Variants in RANBP2 observed in about 807,000 individuals in gnomAD.
RANBP2 encodes E3 SUMO-protein ligase RanBP2.
RANBP2 carries 57 observed loss-of-function variants against 303.6 expected under a neutral mutation model. The ratio of observed to expected loss-of-function variants is 0.19; its 90% CI spans 0.15 to 0.23. The LOEUF (loss-of-function observed/expected upper bound fraction) is 0.23. Among genes scored for constraint, RANBP2 ranks in the 10% least tolerant of loss-of-function variants. The probability of loss-of-function intolerance (pLI) is 1.00; values close to 1 mark genes in which losing one functional copy is unlikely to be tolerated. For synonymous variants in RANBP2, 1,167 were observed against 1,301.5 expected (o/e 0.90, Z 2.23); for missense variants, 3,138 against 3,780.8 (o/e 0.83, Z 4.46).
At chr2:109,347,700 G>A in the RANBP2 span, 1 of 1,613,866 alleles carries the variant, frequency 6.2e-7, no homozygotes, top group South Asian at 1.1e-5. Flanking sequence ...CCTATGGCAA[G>A]GCCCTCTACA....
At chr2:108,741,195 ATTTTTATT>A (rs1341139290) in intron 7 of RANBP2, among the ~76,000 whole-genome samples, 3 of 151,752 alleles carry the variant, frequency 2.0e-5, no homozygotes, top group East Asian at 3.9e-4. Flanking sequence ...CCTTTTCTTA[ATTTTTATT>A]TTTTTATTTT....
At chr2:109,305,053 T>C in the RANBP2 span, among the ~76,000 whole-genome samples, 1 of 152,204 alleles carries the variant, frequency 6.6e-6, no homozygotes, top group Admixed American at 6.5e-5. Flanking sequence ...TTTGTTGCGG[T>C]TCCCCGTCTG....
At chr2:109,347,115 T>C in the RANBP2 span, among the ~76,000 whole-genome samples, 2 of 152,186 alleles carry the variant, frequency 1.3e-5, no homozygotes, top group Non-Finnish European at 2.9e-5. Context: ...TGGAGCATGC[T>C]CGAGTTGCTG....
chr2:109,230,647 T>A, the RANBP2 span, among the ~76,000 whole-genome samples: 2 of 152,124 alleles, frequency 1.3e-5, no homozygotes, highest in Non-Finnish European at 2.9e-5. Flanking sequence ...TATGGTGGGG[T>A]TATGTCCTGA....
At chr2:109,547,539 C>T in the RANBP2 span, among the ~76,000 whole-genome samples, 1 of 152,016 alleles carries the variant, frequency 6.6e-6, no homozygotes, top group Non-Finnish European at 1.5e-5. Context: ...CAGTTTTTCA[C>T]CTCCTTGGGG....
At chr2:108,846,967 A>G in the RANBP2 span, 1 of 1,122,080 alleles carries the variant, frequency 8.9e-7, no homozygotes, top group Non-Finnish European at 1.3e-6. Context: ...AATTTTGAGA[A>G]ACAATAGAGA....
chr2:109,143,307 A>G, the RANBP2 span, among the ~76,000 whole-genome samples: 1 of 152,224 alleles, frequency 6.6e-6, no homozygotes, highest in African/African-American at 2.4e-5. Context: ...TTGGAGGACC[A>G]TAGTTTGGAT....
At chr2:109,432,455 C>A in the RANBP2 span, 1 of 1,606,136 alleles carries the variant, frequency 6.2e-7, no homozygotes, top group Non-Finnish European at 8.5e-7. Context: ...GGTCCCCTAT[C>A]CCCAGGAGGG....
At chr2:109,536,904 T>C in the RANBP2 span, among the ~76,000 whole-genome samples, 1 of 152,196 alleles carries the variant, frequency 6.6e-6, no homozygotes, top group Non-Finnish European at 1.5e-5. Flanking sequence ...CTGTCATCCA[T>C]GTAAGATGTG....
the RANBP2 span, among the ~76,000 whole-genome samples, chr2:108,849,000 A>C: frequency 6.6e-6 from 1 of 152,198 alleles, no homozygotes; most frequent in South Asian, 2.1e-4. Context: ...AAAGGAAAAC[A>C]TGAGCCTGGT....
the RANBP2 span, among the ~76,000 whole-genome samples, chr2:109,229,372 C>G: frequency 2.7e-3 from 414 of 152,284 alleles, 4 homozygotes; most frequent in African/African-American, 9.6e-3. Flanking sequence ...TCTCCATTTG[C>G]AAAGCTGTAG....
chr2:109,729,022 T>A, the RANBP2 span, among the ~76,000 whole-genome samples: 1 of 152,158 alleles, frequency 6.6e-6, no homozygotes, highest in African/African-American at 2.4e-5. Context: ...CTGGAGAGCA[T>A]TCAGCTGTTA....
At chr2:109,338,386 C>T in the RANBP2 span, among the ~76,000 whole-genome samples, 2 of 152,018 alleles carry the variant, frequency 1.3e-5, no homozygotes, top group East Asian at 1.9e-4. Context: ...CCAGTTCTAA[C>T]ACAGGCCTCC....
At chr2:108,786,774 G>C (rs201024181), downstream of RANBP2, 17 of 1,511,880 alleles carry the variant, frequency 1.1e-5, no homozygotes, top group Non-Finnish European at 1.5e-5. Flanking sequence ...TAGCGCCGCG[G>C]GTTTGATGAA....
the RANBP2 span, chr2:108,908,065 G>A: frequency 6.4e-7 from 1 of 1,559,356 alleles, no homozygotes; most frequent in South Asian, 1.2e-5. Flanking sequence ...TGGGGGGGCT[G>A]CAGCCCTGAC....
the RANBP2 span, among the ~76,000 whole-genome samples, chr2:108,986,230 T>C: frequency 4.5e-4 from 68 of 152,306 alleles, 1 homozygote; most frequent in Middle Eastern, 3.4e-3. Flanking sequence ...GACAGTTTTT[T>C]TCACTATATA....
chr2:109,546,830 C>G, the RANBP2 span, among the ~76,000 whole-genome samples: 1 of 152,030 alleles, frequency 6.6e-6, no homozygotes, highest in Admixed American at 6.6e-5. Context: ...AAATACTCAT[C>G]ATAGTAGAAT....
the RANBP2 span, among the ~76,000 whole-genome samples, chr2:109,105,171 A>G: frequency 1.3e-5 from 2 of 152,210 alleles, no homozygotes; most frequent in Non-Finnish European, 2.9e-5. Context: ...TGATCAAGCC[A>G]CTTCCCAATA....
chr2:108,855,715 G>A, the RANBP2 span, among the ~76,000 whole-genome samples: 1 of 152,126 alleles, frequency 6.6e-6, no homozygotes, highest in African/African-American at 2.4e-5. Context: ...AGTTTCATAT[G>A]TATTTTCACT....
Sources: allele counts gnomAD v4.1 joint callset (sites outside exome capture counted in the v4.1 genomes callset), GRCh38; gene constraint gnomAD v4.1.1; transcripts MANE v1.5; gene names NCBI Gene and HGNC (gene_info 2026-07-23, HGNC 2026-07-21).